ATP6V1D: variants seen among roughly 807,000 people sequenced by gnomAD.
ATP6V1D encodes the protein ATPase H+ transporting V1 subunit D.
Under a neutral mutation model 39.4 loss-of-function variants are expected in ATP6V1D, and 20 were observed. The ratio of observed to expected loss-of-function variants is 0.51; its 90% CI spans 0.36 to 0.74. ATP6V1D has a LOEUF of 0.74. ATP6V1D is among the 30% of genes least tolerant of loss of function. The pLI is 0.00. For missense variants in ATP6V1D, 228 were observed against 291.6 expected, an observed-to-expected ratio of 0.78 and a Z score of 1.59; for synonymous variants, 100 against 100.5, an observed-to-expected ratio of 0.99 and a Z score of 0.03.
chr14:67,345,012 C>A (rs937914278), intron 6 of ATP6V1D, among the ~76,000 whole-genome samples: 1 of 151,582 alleles, frequency 6.6e-6, no homozygotes, highest in Non-Finnish European at 1.5e-5. Flanking sequence ...AAGGATGAGG[C>A]GGGCTGATTA....
chr14:67,359,083 A>C (rs182553231), intron 1 of ATP6V1D, among the ~76,000 whole-genome samples: 1 of 152,346 alleles, frequency 6.6e-6, no homozygotes, highest in African/African-American at 2.4e-5. Context: ...TGCCTCAGAA[A>C]CACAGGGATA....
In ATP6V1D at chr14:67,359,777, T is replaced by G. The variant is rs1290556531; in HGVS notation, c.-79A>C. On this transcript the variant is annotated 5_prime_UTR_variant, in exon 1 of 9. Transcript: ENST00000216442. ...AGCTCCAGAACTGGCCTCCACAGTG[T>G]CTTCCTCTACGGGAGTCAGCTGGTT... 24 of 1,543,324 alleles carry G rather than the reference T, an allele frequency of 1.6e-5. No homozygotes were observed. Among genetic ancestry groups the G allele is most frequent in the Non-Finnish European group, 2.0e-5 (22 of 1,121,242 alleles).
At chr14:67,345,658 G>A in intron 6 of ATP6V1D, 110 bp downstream of exon 6, 2 of 653,274 alleles carry the variant, frequency 3.1e-6, no homozygotes, top group Non-Finnish European at 5.4e-6. Flanking sequence ...AGGATCATGG[G>A]AACAGTTAAA....
At position 67,340,609 on chromosome 14, in the gene ATP6V1D, T is replaced by C. The variant is rs1303578339; in HGVS notation, c.524-91A>G. The C allele has an allele frequency of 3.6e-6, 4 of 1,112,310 alleles. No individual in the cohort carries two copies. In the African/African-American group the frequency reaches 4.7e-5, roughly 13 times the overall value. The allele number at this position is 1,112,310 out of a possible 1,614,324, so 68.9% of individuals were successfully genotyped here. ...CATTTGTATAACAGTTATTTTTTCC[T>C]AATTGTAAAATTAATGTGCATTTAA... On this transcript the variant is annotated intron_variant, in intron 7 of 8. Transcript: ENST00000216442.
chr14:67,356,343 C>T (rs1298518275), intron 1 of ATP6V1D, among the ~76,000 whole-genome samples: 1 of 151,716 alleles, frequency 6.6e-6, no homozygotes, highest in Non-Finnish European at 1.5e-5. Context: ...ATCACTTGAA[C>T]CTGGCAGGCA....
chr14:67,343,186 T>C (rs1328692497), intron 7 of ATP6V1D, among the ~76,000 whole-genome samples, 186 bp downstream of exon 7: 2 of 152,204 alleles, frequency 1.3e-5, no homozygotes, highest in African/African-American at 2.4e-5. Context: ...ATACAAGTAC[T>C]TCTATCAGAA....
At chr14:67,348,159 C>T (rs1477346550) in intron 4 of ATP6V1D, among the ~76,000 whole-genome samples, 2 of 152,040 alleles carry the variant, frequency 1.3e-5, no homozygotes, top group Non-Finnish European at 2.9e-5. Context: ...ACCACAACCT[C>T]TGCCTCCTGG....
chr14:67,345,715 C>T (rs1045119553), intron 6 of ATP6V1D, 53 bp downstream of exon 6: 3 of 1,278,700 alleles, frequency 2.3e-6, no homozygotes, highest in African/African-American at 2.9e-5. Context: ...CTCTCCTCCA[C>T]TTGACTGTTA....
chr14:67,345,716 T>G, intron 6 of ATP6V1D, 52 bp downstream of exon 6: 1 of 1,287,714 alleles, frequency 7.8e-7, no homozygotes, highest in Non-Finnish European at 1.1e-6. Context: ...TCTCCTCCAC[T>G]TGACTGTTAC....
Position 67,359,768 on chromosome 14 carries a change from T to C in ATP6V1D, c.-70A>G. 3 of 1,570,200 alleles carry C rather than the reference T, an allele frequency of 1.9e-6. No individual in the cohort carries two copies. The South Asian group carries it at 3.3e-5, about 17-fold the overall frequency. On this transcript the variant is annotated 5_prime_UTR_variant, in exon 1 of 9. Transcript: ENST00000216442. ...GGCTGCAATAGCTCCAGAACTGGCC[T>C]CCACAGTGTCTTCCTCTACGGGAGT...
intron 5 of ATP6V1D, among the ~76,000 whole-genome samples, chr14:67,346,504 G>A (rs1466792771): frequency 1.3e-5 from 2 of 152,158 alleles, no homozygotes; most frequent in Admixed American, 6.5e-5. Context: ...GGGTGGAGAC[G>A]GGGTTTCACC....
At chr14:67,350,516 A>C in intron 3 of ATP6V1D, 95 bp downstream of exon 3, 1 of 1,067,386 alleles carries the variant, frequency 9.4e-7, no homozygotes, top group Non-Finnish European at 1.4e-6. Context: ...TTTGTCCTTA[A>C]CGCTTATTTC....
chr14:67,359,135 G>A (rs1303669047), intron 1 of ATP6V1D, among the ~76,000 whole-genome samples: 1 of 152,194 alleles, frequency 6.6e-6, no homozygotes, highest in East Asian at 1.9e-4. Flanking sequence ...CTTGGAAAAT[G>A]AGTAAGGGGA....
chr14:67,358,362 T>G (rs1035589519), intron 1 of ATP6V1D, among the ~76,000 whole-genome samples: 1 of 152,146 alleles, frequency 6.6e-6, no homozygotes, highest in Non-Finnish European at 1.5e-5. Context: ...AGCTATTTAG[T>G]CACCGGGCAG....
chr14:67,342,294 CATG>C (rs1181731716), intron 7 of ATP6V1D, among the ~76,000 whole-genome samples: 1 of 150,870 alleles, frequency 6.6e-6, no homozygotes, highest in Non-Finnish European at 1.5e-5. Flanking sequence ...CTACTGTAAA[CATG>C]GTGGTGTATA....
chr14:67,358,180 G>A (rs2085698957), intron 1 of ATP6V1D, among the ~76,000 whole-genome samples: 1 of 152,158 alleles, frequency 6.6e-6, no homozygotes, highest in African/African-American at 2.4e-5. Context: ...ATGTCTTTCA[G>A]TGCAGAAGTT....
intron 5 of ATP6V1D, 105 bp downstream of exon 5, chr14:67,347,304 C>T (rs1239591734): frequency 1.1e-6 from 1 of 891,516 alleles, no homozygotes; most frequent in African/African-American, 1.7e-5. Flanking sequence ...ATTTCTAACT[C>T]AGGAACCTCT....
At chr14:67,354,412 A>G (rs2085672861) in intron 1 of ATP6V1D, among the ~76,000 whole-genome samples, 1 of 152,206 alleles carries the variant, frequency 6.6e-6, no homozygotes, top group South Asian at 2.1e-4. Context: ...ATATATCAAA[A>G]TTTTAAATGC....
At chr14:67,341,054 C>A (rs1242772285) in intron 7 of ATP6V1D, among the ~76,000 whole-genome samples, 1 of 152,222 alleles carries the variant, frequency 6.6e-6, no homozygotes, top group Non-Finnish European at 1.5e-5. Flanking sequence ...CCTGCCTTGG[C>A]CTCCCAAAGT....
Sources: gnomAD v4.1 joint callset for allele counts (sites outside exome capture counted in the v4.1 genomes callset) on GRCh38, gnomAD v4.1.1 for gene constraint, MANE v1.5 for transcripts, NCBI Gene and HGNC (gene_info 2026-07-23, HGNC 2026-07-21) for gene names.